The following PCDHGA2 variants were observed in gnomAD, a reference collection of about 807,000 sequenced individuals.
PCDHGA2 encodes protocadherin gamma subfamily A, 2.
A neutral mutation model predicts 59.2 loss-of-function variants in PCDHGA2; 40 were observed. The ratio of observed to expected loss-of-function variants is 0.68; its 90% CI spans 0.52 to 0.88. PCDHGA2 has a LOEUF of 0.88. PCDHGA2 is among the 40% of genes least tolerant of loss of function. PCDHGA2 has a pLI of 0.00. For missense variants in PCDHGA2, 1,226 were observed against 1,204.0 expected, an observed-to-expected ratio of 1.02 and a Z score of -0.27; for synonymous variants, 560 against 526.0, an observed-to-expected ratio of 1.06 and a Z score of -0.89.
chr5:141,383,445 G>T (rs1779137475), intron 1 of PCDHGA2: 1 of 1,613,958 alleles, frequency 6.2e-7, no homozygotes, highest in East Asian at 2.2e-5. Flanking sequence ...CCCTGGCTGT[G>T]CAAAGTGGAG....
intron 1 of PCDHGA2, chr5:141,430,575 A>T (rs1056696427): frequency 2.2e-6 from 1 of 455,822 alleles, no homozygotes; most frequent in Non-Finnish European, 3.7e-6. Flanking sequence ...AAAAGCGGAG[A>T]TCCTGCTCGC....
At chr5:141,388,920 A>G in intron 1 of PCDHGA2, 2 of 1,613,996 alleles carry the variant, frequency 1.2e-6, no homozygotes, top group Non-Finnish European at 1.7e-6. Flanking sequence ...CCCAGAAGTG[A>G]TATTCCAGTC....
rs1207371456 is a variant in PCDHGA2 at position 141,487,371 on chromosome 5, G to A, written c.2425-7436G>A. On this transcript the variant is annotated intron_variant, in intron 1 of 3. Transcript: ENST00000394576. The surrounding 1 kb of genome is among the most constrained non-coding windows in gnomAD (Gnocchi z 5.0). ...TGCTTTCCTGCTGGCACCTGTGCCT[G>A]TCTCACCAGATCTCGAAGGAGGGAG... The A allele has an allele frequency of 4.3e-6, 7 of 1,614,076 alleles. No individual in the cohort carries two copies. In the Admixed American group the frequency reaches 5.0e-5, roughly 12 times the overall value.
chr5:141,344,479 G>T lies in PCDHGA2; in HGVS notation c.2424+3084G>T, dbSNP rs755137237. 30 of 1,613,788 alleles carry T rather than the reference G, an allele frequency of 1.9e-5. 2 individuals carry two copies. The South Asian group carries it at 3.1e-4, about 17-fold the overall frequency. On this transcript the variant is annotated intron_variant, in intron 1 of 3. Coordinates refer to ENST00000394576, the MANE Select transcript of PCDHGA2 (RefSeq NM_018915.4). ...AAAATTGGTGAACTAACGGTTCCTG[G>T]AACCCGATTTCCAATTAAAACTGCT...
At chr5:141,353,115 C>A (rs1759192459) in intron 1 of PCDHGA2, among the ~76,000 whole-genome samples, 4 of 152,014 alleles carry the variant, frequency 2.6e-5, no homozygotes, top group South Asian at 2.1e-4. Context: ...ATGGAGATTG[C>A]TTTCTTGATT....
At chr5:141,481,462 C>T (rs1395867714) in intron 1 of PCDHGA2, among the ~76,000 whole-genome samples, 1 of 152,162 alleles carries the variant, frequency 6.6e-6, no homozygotes. Flanking sequence ...ACACTGAAAA[C>T]CATTGGATTA....
chr5:141,409,861 A>C, intron 1 of PCDHGA2: 1 of 1,612,406 alleles, frequency 6.2e-7, no homozygotes, highest in Non-Finnish European at 8.5e-7. Context: ...TGTTGGTGGG[A>C]GACCGCAATG....
chr5:141,411,001 C>G lies in PCDHGA2; in HGVS notation c.2424+69606C>G, dbSNP rs2095456042. 1.8e-5 allele frequency: 3 copies of G among 168,822 alleles called. No individual in the cohort carries two copies. The South Asian group carries it at 4.7e-4, about 26-fold the overall frequency. The allele number at this position is 168,822 out of a possible 1,614,324, so 10.5% of individuals were successfully genotyped here. ...CCCAAGTAGCTGGGATTACTGGTGC[C>G]CCTCACCACAGCTAAATTTTTTGTA... On this transcript the variant is annotated intron_variant, in intron 1 of 3. Coordinates refer to ENST00000394576, the MANE Select transcript of PCDHGA2 (RefSeq NM_018915.4).
chr5:141,381,698 C>A (rs1251060336), intron 1 of PCDHGA2, among the ~76,000 whole-genome samples: 1 of 152,046 alleles, frequency 6.6e-6, no homozygotes, highest in Non-Finnish European at 1.5e-5. Flanking sequence ...ACAACGATTT[C>A]TTTCTTTTTT....
chr5:141,427,606 G>A (rs965315804), intron 1 of PCDHGA2: 2 of 688,192 alleles, frequency 2.9e-6, no homozygotes, highest in African/African-American at 3.5e-5. Flanking sequence ...CTACGCATTG[G>A]TGAAGTCAAC....
intron 1 of PCDHGA2, among the ~76,000 whole-genome samples, chr5:141,463,377 G>T (rs1161419035): frequency 2.7e-5 from 4 of 147,358 alleles, no homozygotes; most frequent in Non-Finnish European, 3.0e-5. Flanking sequence ...CCCACAGTCT[G>T]AAAGTTGTCT....
chr5:141,371,365 G>T, intron 1 of PCDHGA2: 1 of 1,614,006 alleles, frequency 6.2e-7, no homozygotes, highest in South Asian at 1.1e-5. Flanking sequence ...GCAAAGGATG[G>T]TGGACATCAC....
At chr5:141,441,615 G>A in intron 1 of PCDHGA2, 1 of 219,248 alleles carries the variant, frequency 4.6e-6, no homozygotes, top group Non-Finnish European at 9.2e-6. Context: ...TTCCATCGTG[G>A]CCAGTGACCT....
chr5:141,394,444 G>A (rs2093001580), intron 1 of PCDHGA2: 1 of 1,614,228 alleles, frequency 6.2e-7, no homozygotes, highest in Non-Finnish European at 8.5e-7. Context: ...CCCCTCAGCA[G>A]CAACATGTCA....
chr5:141,431,697 G>T lies in PCDHGA2; in HGVS notation c.2425-63110G>T, dbSNP rs1303639699. 6.2e-7 allele frequency: 1 copy of T among 1,614,206 alleles called. No homozygotes were observed. Among genetic ancestry groups the T allele is most frequent in the Admixed American group, 1.7e-5 (1 of 60,024 alleles). ...GGGGAGTTGGACCACGAGGAGTCAG[G>T]ATTCTACCAGATGGAAGTGCAAGCA... On this transcript the variant is annotated intron_variant, in intron 1 of 3. Transcript: ENST00000394576. This position sits in a 1 kb window ranked among gnomAD's most constrained non-coding sequence, Gnocchi z 4.8.
intron 1 of PCDHGA2, among the ~76,000 whole-genome samples, chr5:141,451,364 C>T (rs970149151): frequency 3.9e-5 from 6 of 152,078 alleles, no homozygotes; most frequent in Middle Eastern, 3.2e-3. Context: ...AGGATGGATC[C>T]GCTTCTAATC....
At chr5:141,449,958 A>AT (rs962794399) in intron 1 of PCDHGA2, among the ~76,000 whole-genome samples, 8 of 148,830 alleles carry the variant, frequency 5.4e-5, no homozygotes, top group African/African-American at 2.0e-4. Context: ...CCTCATAGTA[A>AT]TTTTTTTTAG....
At chr5:141,418,669 C>T (rs2096278985) in intron 1 of PCDHGA2, 1 of 1,614,018 alleles carries the variant, frequency 6.2e-7, no homozygotes, top group Non-Finnish European at 8.5e-7. Flanking sequence ...CTGACCAGGA[C>T]GAGGGCATCA....
chr5:141,471,893 T>G (rs1289667371), intron 1 of PCDHGA2, among the ~76,000 whole-genome samples: 1 of 152,166 alleles, frequency 6.6e-6, no homozygotes, highest in African/African-American at 2.4e-5. Flanking sequence ...CTAGGAAGAT[T>G]GACTACAGAC....
Sources: allele counts gnomAD v4.1 joint callset (sites outside exome capture counted in the v4.1 genomes callset), GRCh38; gene constraint gnomAD v4.1.1; non-coding constraint Gnocchi (gnomAD v3.1); transcripts MANE v1.5; gene names NCBI Gene and HGNC (gene_info 2026-07-23, HGNC 2026-07-21).